UTRN: variants seen among roughly 807,000 people sequenced by gnomAD.
The protein encoded by UTRN is utrophin, also known as dystrophin-related protein 1.
Under a neutral mutation model 463.9 loss-of-function variants are expected in UTRN, and 283 were observed. The ratio of observed to expected loss-of-function variants is 0.61; its 90% CI spans 0.55 to 0.67. The LOEUF (loss-of-function observed/expected upper bound fraction) is 0.67, where lower values mean the gene tolerates loss of function less well. Among genes scored for constraint, UTRN ranks in the 30% least tolerant of loss-of-function variants. The pLI, the probability that UTRN is intolerant of heterozygous loss-of-function variation, is 0.00. For missense variants in UTRN, 3,922 were observed against 4,084.3 expected, an observed-to-expected ratio of 0.96 and a Z score of 1.08; for synonymous variants, 1,442 against 1,431.5, an observed-to-expected ratio of 1.01 and a Z score of -0.17.
intron 25 of UTRN, 97 bp from the exon 26 acceptor site, chr6:144,479,715 G>A: frequency 7.1e-7 from 1 of 1,407,166 alleles, no homozygotes; most frequent in Non-Finnish European, 9.6e-7. Context: ...AATTCGTTGT[G>A]GAAAGTTATT....
At chr6:144,519,823 A>G (rs1795930302) in intron 39 of UTRN, among the ~76,000 whole-genome samples, 1 of 152,236 alleles carries the variant, frequency 6.6e-6, no homozygotes, top group South Asian at 2.1e-4. Context: ...TCCCTAGTTT[A>G]TTCTAAAGCT....
intron 46 of UTRN, among the ~76,000 whole-genome samples, chr6:144,543,129 G>C (rs893153783): frequency 6.6e-6 from 1 of 152,196 alleles, no homozygotes; most frequent in African/African-American, 2.4e-5. Flanking sequence ...GCATCCACAG[G>C]TCCTGCCGAA....
chr6:144,624,795 T>C (rs544579517), intron 51 of UTRN, among the ~76,000 whole-genome samples: 11 of 152,260 alleles, frequency 7.2e-5, no homozygotes, highest in Admixed American at 3.3e-4. Flanking sequence ...AGCATTTCAG[T>C]AAATAGCCTT....
intron 51 of UTRN, among the ~76,000 whole-genome samples, chr6:144,603,869 G>C (rs890350318): frequency 2.0e-5 from 3 of 152,098 alleles, no homozygotes; most frequent in African/African-American, 7.2e-5. Context: ...AATTAATTCA[G>C]AAATGGTCTA....
intron 2 of UTRN, among the ~76,000 whole-genome samples, chr6:144,361,586 A>G (rs554795732): frequency 1.3e-4 from 19 of 151,772 alleles, no homozygotes; most frequent in African/African-American, 4.1e-4. Flanking sequence ...AAAAAAAATT[A>G]TTTATTTATT....
At chr6:144,700,366 G>A (rs762713913) in intron 53 of UTRN, 123 bp downstream of exon 53, 93 of 1,140,080 alleles carry the variant, frequency 8.2e-5, no homozygotes, top group Middle Eastern at 6.3e-4. Context: ...CCCCACCACC[G>A]TCTGCTTTTA....
chr6:144,515,536 T>C (rs1408376803), intron 37 of UTRN, among the ~76,000 whole-genome samples: 2 of 152,164 alleles, frequency 1.3e-5, no homozygotes, highest in African/African-American at 2.4e-5. Flanking sequence ...TTTCACAGTT[T>C]AATCCTAATG....
intron 51 of UTRN, among the ~76,000 whole-genome samples, chr6:144,661,545 T>A (rs1779866769): frequency 6.6e-6 from 1 of 152,162 alleles, no homozygotes; most frequent in Non-Finnish European, 1.5e-5. Flanking sequence ...CAGCTTGCTC[T>A]CCACTTAGAA....
intron 50 of UTRN, among the ~76,000 whole-genome samples, chr6:144,571,771 T>G (rs1471019875): frequency 6.6e-6 from 1 of 152,216 alleles, no homozygotes; most frequent in Non-Finnish European, 1.5e-5. Context: ...CCTAGTTTTC[T>G]TTGCACCTAT....
Position 144,573,389 on chromosome 6 carries a change from T to TAA in UTRN, c.7290-3699_7290-3698dup, listed in dbSNP as rs879914234. Among the ~76,000 whole-genome samples the TAA allele has an allele frequency of 2.2e-3, 320 of 142,540 alleles. 1 individual carries two copies. The highest frequency in any genetic ancestry group is 7.7e-3 in the African/African-American group (301 of 38,980). 93.5% of individuals were successfully genotyped at this position (142,540 alleles called of 152,430 possible). On this transcript the variant is annotated intron_variant, in intron 50 of 74. Transcript: ENST00000367545. ...CAACATGGTGAAACCCTATCTCTAC[T>TAA]AAAAAAAAAAAATACAAAAATTTGC...
chr6:144,408,624 A>T (rs1783622821), intron 3 of UTRN, among the ~76,000 whole-genome samples: 1 of 152,248 alleles, frequency 6.6e-6, no homozygotes, highest in Non-Finnish European at 1.5e-5. Context: ...TCCAACCTTG[A>T]AATTCAAATT....
At chr6:144,454,456 C>T (rs536660782) in intron 19 of UTRN, among the ~76,000 whole-genome samples, 3 of 152,072 alleles carry the variant, frequency 2.0e-5, no homozygotes, top group African/African-American at 7.2e-5. Flanking sequence ...GCATATGAAT[C>T]TCTCTTTGTT....
chr6:144,757,047 C>T (rs1586410204), intron 57 of UTRN, among the ~76,000 whole-genome samples: 4 of 151,986 alleles, frequency 2.6e-5, no homozygotes, highest in East Asian at 3.9e-4. Flanking sequence ...CAACTGGCTA[C>T]GTGAGGATCT....
chr6:144,467,171 A>G (rs571274697), intron 23 of UTRN, among the ~76,000 whole-genome samples: 5 of 152,210 alleles, frequency 3.3e-5, no homozygotes, highest in Non-Finnish European at 5.9e-5. Context: ...ACCAAAGACC[A>G]TCCTAGACTA....
intron 2 of UTRN, among the ~76,000 whole-genome samples, chr6:144,308,119 G>A (rs1346193719): frequency 3.3e-5 from 5 of 151,950 alleles, no homozygotes; most frequent in African/African-American, 7.3e-5. Context: ...TCCCTCCACC[G>A]CTCACTCTCA....
chr6:144,460,996 A>G (rs1789348861), intron 21 of UTRN, among the ~76,000 whole-genome samples: 1 of 152,236 alleles, frequency 6.6e-6, no homozygotes, highest in Non-Finnish European at 1.5e-5. Flanking sequence ...TCAAACGTCA[A>G]CATCCGCAGG....
chr6:144,535,125 G>A (rs1291651736), intron 43 of UTRN, among the ~76,000 whole-genome samples: 4 of 152,182 alleles, frequency 2.6e-5, no homozygotes, highest in African/African-American at 9.7e-5. Context: ...CTGTCACCCA[G>A]GCTAGAGTGC....
chr6:144,289,823 AT>A (rs948356078), intron 1 of UTRN, among the ~76,000 whole-genome samples: 2 of 149,914 alleles, frequency 1.3e-5, no homozygotes, highest in African/African-American at 2.5e-5. Context: ...TAATTTTTGT[AT>A]TTTTTTTTAA....
At chr6:144,292,031 A>G in intron 2 of UTRN, 124 bp downstream of exon 2, 1 of 883,842 alleles carries the variant, frequency 1.1e-6, no homozygotes, top group Non-Finnish European at 1.6e-6. Flanking sequence ...AAGAAACTGA[A>G]TTCTGACAAA....
Sources: gnomAD v4.1 joint callset for allele counts (sites outside exome capture counted in the v4.1 genomes callset) on GRCh38, gnomAD v4.1.1 for gene constraint, MANE v1.5 for transcripts, NCBI Gene and HGNC (gene_info 2026-07-23, HGNC 2026-07-21) for gene names.